The following ZWILCH variants were observed in gnomAD, a reference collection of about 807,000 sequenced individuals.
ZWILCH encodes the protein protein zwilch homolog.
ZWILCH carries 74 observed loss-of-function variants against 79.9 expected under a neutral mutation model. That is an observed-to-expected ratio of 0.93 (90% CI 0.77 to 1.12). ZWILCH has a LOEUF of 1.12. ZWILCH is among the 50% of genes most tolerant of loss of function. The probability of loss-of-function intolerance (pLI) is 0.00; values close to 1 mark genes in which losing one functional copy is unlikely to be tolerated. For synonymous variants in ZWILCH, 241 were observed against 228.2 expected, an observed-to-expected ratio of 1.06 and a Z score of -0.51; for missense variants, 694 against 687.5, an observed-to-expected ratio of 1.01 and a Z score of -0.11.
chr15:66,509,355 C>T (rs900262625), intron 2 of ZWILCH, among the ~76,000 whole-genome samples: 2 of 152,160 alleles, frequency 1.3e-5, no homozygotes, highest in African/African-American at 4.8e-5. Flanking sequence ...CCCTTAGTTC[C>T]TGGCAAACAT....
chr15:66,505,546 C>T (rs1893779305), intron 1 of ZWILCH, 155 bp downstream of exon 1: 1 of 812,120 alleles, frequency 1.2e-6, no homozygotes, highest in South Asian at 1.6e-5. Context: ...GTTCTCGGCT[C>T]CGGTGTGGGG....
Position 66,517,430 on chromosome 15 carries a change from G to GTGTATATA in ZWILCH, c.321-1448_321-1447insGTATATAT. 4.7e-3 allele frequency among the ~76,000 whole-genome samples: 310 copies of GTGTATATA among 66,514 alleles called. 6 individuals carry two copies. Among genetic ancestry groups the GTGTATATA allele is most frequent in the African/African-American group, 0.018 (286 of 16,330 alleles). 43.6% of individuals were successfully genotyped at this position (66,514 alleles called of 152,430 possible). A position where few individuals can be genotyped will look rare whatever the true frequency, so the allele number is the denominator to read the frequency against. Reference sequence around the variant, plus strand: ...TGTTTGTGTGTGCGTGTGTGTGTGTGTATATATATATATATATATATATAT... The same window carrying GTGTATATA: ...TGTTTGTGTGTGCGTGTGTGTGTGTGTGTATATATATATATATATATATATATATATAT... On this transcript the variant is annotated intron_variant, in intron 4 of 18. Coordinates refer to ENST00000307897, the MANE Select transcript of ZWILCH (RefSeq NM_017975.5).
At chr15:66,509,421 A>G (rs189666419) in intron 2 of ZWILCH, among the ~76,000 whole-genome samples, 92 of 152,280 alleles carry the variant, frequency 6.0e-4, no homozygotes, top group African/African-American at 2.1e-3. Context: ...TATAAATAAA[A>G]TCATACAGCC....
intron 10 of ZWILCH, 101 bp from the exon 11 acceptor site, chr15:66,528,751 G>A (rs1894761403): frequency 2.2e-6 from 2 of 899,480 alleles, no homozygotes; most frequent in Non-Finnish European, 3.5e-6. Flanking sequence ...ATCTTTGTGT[G>A]TGTTCATGAA....
chr15:66,531,592 G>T (rs1003948737), intron 12 of ZWILCH, among the ~76,000 whole-genome samples: 3 of 151,844 alleles, frequency 2.0e-5, no homozygotes, highest in African/African-American at 7.3e-5. Flanking sequence ...TCCCGAGCTG[G>T]GACTACAGGC....
At chr15:66,512,135 G>A (rs1325980648) in intron 2 of ZWILCH, among the ~76,000 whole-genome samples, 1 of 152,140 alleles carries the variant, frequency 6.6e-6, no homozygotes, top group African/African-American at 2.4e-5. Flanking sequence ...TGTGACAAAA[G>A]AGCTGTGGTA....
In ZWILCH at chr15:66,529,570, A is replaced by G. The variant is rs767479238; in HGVS notation, c.1152A>G (p.Pro384=). The G allele has an allele frequency of 4.3e-6, 7 of 1,612,480 alleles. No homozygotes were observed. Among genetic ancestry groups the G allele is most frequent in the African/African-American group, 1.3e-5 (1 of 74,900 alleles). The change falls in exon 12 of 19, where the codon CCA becomes CCG. Residue 384 remains proline (P), a synonymous_variant. Transcript: ENST00000307897. The part of the protein sequence containing the change: ...IQSLQRGDIQ[P]WLHSGSNSLL... ...GTCTACAACGTGGTGATATACAGCC[A>G]TGGGTAGGTTTAGTAGTGTGTGTCA...
chr15:66,546,439 C>T, intron 17 of ZWILCH, 152 bp from the exon 18 acceptor site: 1 of 375,724 alleles, frequency 2.7e-6, no homozygotes, highest in Non-Finnish European at 4.9e-6. Context: ...AGTGTCCTTA[C>T]TGAATTTTTC....
At chr15:66,507,765 T>C (rs1469087478) in intron 1 of ZWILCH, among the ~76,000 whole-genome samples, 6 of 152,014 alleles carry the variant, frequency 3.9e-5, no homozygotes, top group Non-Finnish European at 5.9e-5. Flanking sequence ...CCATCTCTAC[T>C]AAAAATACAA....
Position 66,527,902 on chromosome 15 carries a change from C to A in ZWILCH, c.959C>A (p.Thr320Asn), listed in dbSNP as rs2140780922. 1 of 1,600,302 alleles carries A rather than the reference C, an allele frequency of 6.2e-7. No homozygotes were observed. The highest frequency in any genetic ancestry group is 8.5e-7 in the Non-Finnish European group (1 of 1,176,662). The change falls in exon 10 of 19, where the codon ACT becomes AAT. Residue 320 changes from threonine (T) to asparagine (N), a missense_variant. Transcript: ENST00000307897. The part of the protein sequence containing the change: ...DGFGDSTKKD[T>N]EVETLKHDTA... Reference sequence around the variant, plus strand: ...TTTGGTGATTCTACAAAAAAAGACACTGAGGTTGAGGTAAGTGATTATTAT... The same window carrying A: ...TTTGGTGATTCTACAAAAAAAGACAATGAGGTTGAGGTAAGTGATTATTAT...
intron 10 of ZWILCH, 121 bp downstream of exon 10, chr15:66,528,033 G>T: frequency 3.2e-6 from 2 of 629,840 alleles, no homozygotes; most frequent in East Asian, 3.4e-5. Context: ...GCATTTAAGG[G>T]GAATTTTTGT....
intron 15 of ZWILCH, 27 bp from the exon 16 acceptor site, chr15:66,537,141 A>G: frequency 1.3e-6 from 2 of 1,586,874 alleles, no homozygotes; most frequent in Non-Finnish European, 1.7e-6. Context: ...TCTTTTTTCC[A>G]AAAGAGGTTC....
chr15:66,509,705 G>C (rs1893960214), intron 2 of ZWILCH, among the ~76,000 whole-genome samples: 1 of 138,390 alleles, frequency 7.2e-6, no homozygotes, highest in Non-Finnish European at 1.7e-5. Flanking sequence ...TAAAACCTAT[G>C]TCCATGAAAT....
chr15:66,543,440 T>C (rs1895257030), intron 17 of ZWILCH, among the ~76,000 whole-genome samples: 1 of 152,184 alleles, frequency 6.6e-6, no homozygotes, highest in African/African-American at 2.4e-5. Flanking sequence ...ATTAGAATCA[T>C]CTGCAAAGCT....
chr15:66,532,044 G>A (rs989902706), intron 12 of ZWILCH, among the ~76,000 whole-genome samples: 2 of 152,154 alleles, frequency 1.3e-5, no homozygotes, highest in Non-Finnish European at 2.9e-5. Flanking sequence ...TCCAGCCTGG[G>A]TGACAGAGCA....
At chr15:66,545,649 A>G (rs1280919133) in intron 17 of ZWILCH, among the ~76,000 whole-genome samples, 1 of 152,210 alleles carries the variant, frequency 6.6e-6, no homozygotes, top group Non-Finnish European at 1.5e-5. Flanking sequence ...TTTTGGCTTG[A>G]ACTTTATAAC....
Position 66,538,260 on chromosome 15 carries a change from C to T in ZWILCH, c.1574+997C>T, listed in dbSNP as rs1431494046. 3.3e-5 allele frequency among the ~76,000 whole-genome samples: 5 copies of T among 152,314 alleles called. No individual in the cohort carries two copies. The East Asian group carries it at 9.6e-4, about 29-fold the overall frequency. ...TCTCATCACTCCCCCTGAAATTGCT[C>T]TGGCAAAGGTCACCAATGACCTTCT... is the stretch of plus-strand genomic sequence containing the variant. On this transcript the variant is annotated intron_variant, in intron 16 of 18. Coordinates refer to ENST00000307897, the MANE Select transcript of ZWILCH (RefSeq NM_017975.5).
rs758780844 is a variant in ZWILCH, at chr15:66,527,338, C to G, written c.868C>G (p.Leu290Val). 9.9e-6 allele frequency: 16 copies of G among 1,613,918 alleles called. No individual in the cohort carries two copies. In the African/African-American group the frequency reaches 2.0e-4, roughly 20 times the overall value. ...RTGVTEWLEP[L>V]EAKSAVELVQ... Reference sequence around the variant, plus strand: ...TGGTGTCACTGAATGGCTCGAGCCCCTGGAAGCAAAATCTGCTGTTGAACT... The same window carrying G: ...TGGTGTCACTGAATGGCTCGAGCCCGTGGAAGCAAAATCTGCTGTTGAACT... Residue 290 changes from leucine (L) to valine (V), a missense_variant, in exon 9 of 19, where the codon CTG (leucine) becomes GTG (valine). Transcript: ENST00000307897.
rs748316525 is a variant in ZWILCH at position 66,527,386 on chromosome 15, G to A, written c.913+3G>A. The A allele has an allele frequency of 1.1e-5, 17 of 1,609,658 alleles. No individual in the cohort carries two copies. Among genetic ancestry groups the A allele is most frequent in the Non-Finnish European group, 1.2e-5 (14 of 1,176,196 alleles). On this transcript the variant is annotated splice_donor_region_variant and intron_variant, in intron 9 of 18. Coordinates refer to ENST00000307897, the MANE Select transcript of ZWILCH (RefSeq NM_017975.5). ...ACTTGTTCAGGAATTTCTGAATGGT[G>A]TATTACTTGTTTTATTAATTGAGAA...
Sources: gnomAD v4.1 joint callset for allele counts (sites outside exome capture counted in the v4.1 genomes callset) on GRCh38, gnomAD v4.1.1 for gene constraint, MANE v1.5 for transcripts, NCBI Gene and HGNC (gene_info 2026-07-23, HGNC 2026-07-21) for gene names.